The following LDLRAD4 variants were observed in gnomAD, a reference collection of about 807,000 sequenced individuals.
LDLRAD4 encodes the protein low density lipoprotein receptor class A domain containing 4.
In LDLRAD4, 5 loss-of-function variants were observed where a neutral mutation model predicts 17.0. That is an observed-to-expected ratio of 0.29 (90% CI 0.15 to 0.62). LDLRAD4 has a LOEUF of 0.62. LDLRAD4 is among the 20% of genes least tolerant of loss of function. The probability of loss-of-function intolerance (pLI) is 0.84; values close to 1 mark genes in which losing one functional copy is unlikely to be tolerated. For missense variants in LDLRAD4, 340 were observed against 424.7 expected, an observed-to-expected ratio of 0.80 and a Z score of 1.75; for synonymous variants, 168 against 171.8, an observed-to-expected ratio of 0.98 and a Z score of 0.17.
chr18:13,409,416 C>T (rs560212151), intron 2 of LDLRAD4, among the ~76,000 whole-genome samples: 1 of 152,306 alleles, frequency 6.6e-6, no homozygotes, highest in African/African-American at 2.4e-5. Flanking sequence ...TGTGGTTACC[C>T]TGCCTATAGA....
At chr18:13,608,348 G>T (rs1163525852) in intron 3 of LDLRAD4, among the ~76,000 whole-genome samples, 1 of 152,086 alleles carries the variant, frequency 6.6e-6, no homozygotes, top group Non-Finnish European at 1.5e-5. Context: ...GAGGCAACTG[G>T]AGGGGGAGGC....
upstream of LDLRAD4, among the ~76,000 whole-genome samples, chr18:13,276,934 G>A (rs559838472): frequency 2.1e-4 from 32 of 152,240 alleles, no homozygotes; most frequent in South Asian, 2.5e-3. Context: ...GAGCGTTTGC[G>A]TCCTAGGAAG....
intron 2 of LDLRAD4, among the ~76,000 whole-genome samples, chr18:13,433,244 C>G (rs2090456300): frequency 6.6e-6 from 1 of 152,146 alleles, no homozygotes; most frequent in Non-Finnish European, 1.5e-5. Flanking sequence ...AAAAGGCACC[C>G]GTACAGAGAG....
rs749798070 is a variant in LDLRAD4 at position 13,622,442 on chromosome 18, G to A, written c.336+1171G>A. On this transcript the variant is annotated intron_variant, in intron 4 of 5. Coordinates refer to ENST00000359446, the Ensembl canonical transcript of LDLRAD4. The surrounding 1 kb of genome is among the most constrained non-coding windows in gnomAD (Gnocchi z 5.3). ...AGGAGATGGGATGCCAGGGGAAGAC[G>A]TGCACCCTTGACAGCCGTTTCCTCC... 6.6e-6 allele frequency among the ~76,000 whole-genome samples: 1 copy of A among 152,146 alleles called. No individual in the cohort carries two copies.
intron 3 of LDLRAD4, among the ~76,000 whole-genome samples, chr18:13,485,844 A>G (rs1156357114): frequency 6.6e-6 from 1 of 152,022 alleles, no homozygotes; most frequent in Non-Finnish European, 1.5e-5. Flanking sequence ...ACGCCACCAC[A>G]CTCCAGCCTG....
intron 1 of LDLRAD4, among the ~76,000 whole-genome samples, chr18:13,381,674 G>T (rs1016807280): frequency 6.6e-6 from 1 of 152,198 alleles, no homozygotes; most frequent in Non-Finnish European, 1.5e-5. Flanking sequence ...GAGCTCTGAG[G>T]CACTCACATG....
rs183859836 is a variant in LDLRAD4 at position 13,446,145 on chromosome 18, A to T, written c.181+7761A>T. On this transcript the variant is annotated intron_variant, in intron 3 of 5. Transcript: ENST00000359446. ...GCTGTTTGCCGAGTGCTCACTGTTTACATGCATCATCTCATTCATCTCTCA... is the reference window on the plus strand; with the variant it reads ...GCTGTTTGCCGAGTGCTCACTGTTTTCATGCATCATCTCATTCATCTCTCA... 3.5e-3 allele frequency among the ~76,000 whole-genome samples: 535 copies of T among 152,250 alleles called. 7 individuals are homozygous for T. The highest frequency in any genetic ancestry group is 5.6e-3 in the Non-Finnish European group (383 of 68,000).
intron 1 of LDLRAD4, among the ~76,000 whole-genome samples, chr18:13,261,220 C>T (rs2043799072): frequency 1.3e-5 from 2 of 152,244 alleles, no homozygotes; most frequent in Admixed American, 1.3e-4. Context: ...CAGAACTCTG[C>T]CCCTAACATT....
At chr18:13,557,207 A>T (rs914266205) in intron 3 of LDLRAD4, among the ~76,000 whole-genome samples, 1 of 152,196 alleles carries the variant, frequency 6.6e-6, no homozygotes, top group Non-Finnish European at 1.5e-5. Context: ...CTGAGCCAGG[A>T]GGATCACTTG....
intron 2 of LDLRAD4, among the ~76,000 whole-genome samples, chr18:13,412,051 C>T (rs148100780): frequency 6.6e-6 from 1 of 152,076 alleles, no homozygotes; most frequent in Admixed American, 6.5e-5. Flanking sequence ...ACTATGTTGC[C>T]CAGGCTGGTC....
At chr18:13,285,213 G>T (rs1381342674) in intron 1 of LDLRAD4, among the ~76,000 whole-genome samples, 1 of 152,200 alleles carries the variant, frequency 6.6e-6, no homozygotes, top group East Asian at 1.9e-4. Context: ...TGAATTCCTT[G>T]AAATGTTGCC....
chr18:13,612,506 A>T, intron 3 of LDLRAD4: 1 of 1,387,222 alleles, frequency 7.2e-7, no homozygotes, highest in Non-Finnish European at 9.3e-7. Context: ...GGCCCTGCTG[A>T]TACAGTAGAG....
At position 13,452,087 on chromosome 18, in the gene LDLRAD4, G is replaced by T. The variant is rs372419960; in HGVS notation, c.181+13703G>T. ...GTAGGCAGCCTATGGTGAACGTGGC[G>T]TGTGCCCCTGAGAGTAGGGACTGGG... On this transcript the variant is annotated intron_variant, in intron 3 of 5. Transcript: ENST00000359446. Among the ~76,000 whole-genome samples the T allele has an allele frequency of 3.0e-4, 45 of 152,332 alleles. No homozygotes were observed. The East Asian group carries it at 5.2e-3, about 18-fold the overall frequency.
chr18:13,492,869 C>T (rs999786172), intron 3 of LDLRAD4, among the ~76,000 whole-genome samples: 2 of 152,322 alleles, frequency 1.3e-5, no homozygotes, highest in Non-Finnish European at 2.9e-5. Context: ...GTGGCTCACA[C>T]CTGTAATCCT....
chr18:13,571,850 A>G (rs890460750), intron 3 of LDLRAD4, among the ~76,000 whole-genome samples: 3 of 152,018 alleles, frequency 2.0e-5, no homozygotes, highest in African/African-American at 7.3e-5. Flanking sequence ...GTTAACCAGG[A>G]TGGTCTGGAT....
intron 3 of LDLRAD4, among the ~76,000 whole-genome samples, chr18:13,469,230 A>G (rs1243965428): frequency 1.3e-5 from 2 of 152,226 alleles, no homozygotes; most frequent in African/African-American, 4.8e-5. Flanking sequence ...AAATCAGAAA[A>G]TAACAAGCAT....
At chr18:13,361,286 C>G (rs1031542890) in intron 1 of LDLRAD4, among the ~76,000 whole-genome samples, 1 of 152,140 alleles carries the variant, frequency 6.6e-6, no homozygotes, top group Non-Finnish European at 1.5e-5. Flanking sequence ...ACCTTGTTAG[C>G]CAGGATGGTC....
At chr18:13,567,858 T>C (rs1279876859) in intron 3 of LDLRAD4, among the ~76,000 whole-genome samples, 1 of 152,230 alleles carries the variant, frequency 6.6e-6, no homozygotes, top group Non-Finnish European at 1.5e-5. Context: ...TGGACATGTC[T>C]TGGCTTATTG....
intron 2 of LDLRAD4, among the ~76,000 whole-genome samples, chr18:13,417,488 AGT>A (rs1568122379): frequency 6.7e-6 from 1 of 148,812 alleles, no homozygotes; most frequent in Non-Finnish European, 1.5e-5. Context: ...GCTGGAGTGC[AGT>A]GGCGCGATCT....
Sources: allele counts gnomAD v4.1 joint callset (sites outside exome capture counted in the v4.1 genomes callset), GRCh38; gene constraint gnomAD v4.1.1; non-coding constraint Gnocchi (gnomAD v3.1); transcripts MANE v1.5; gene names NCBI Gene and HGNC (gene_info 2026-07-23, HGNC 2026-07-21).